The following HTR4 variants were observed in gnomAD, a reference collection of about 807,000 sequenced individuals.
The protein encoded by HTR4 is 5-hydroxytryptamine receptor 4.
In HTR4, 16 loss-of-function variants were observed where a neutral mutation model predicts 36.8. The observed-to-expected ratio is 0.43, with a 90% CI of 0.29 to 0.66. The LOEUF is 0.66. HTR4 is among the 30% of genes least tolerant of loss of function. The pLI, the probability that HTR4 is intolerant of heterozygous loss-of-function variation, is 0.13. For missense variants in HTR4, 438 were observed against 490.9 expected (o/e 0.89, Z 1.02); for synonymous variants, 189 against 185.1 (o/e 1.02, Z -0.17).
chr5:148,458,793 G>C (rs972885132), intron 5 of HTR4, among the ~76,000 whole-genome samples: 1 of 152,162 alleles, frequency 6.6e-6, no homozygotes, highest in Non-Finnish European at 1.5e-5. Context: ...TGTTGTCCTC[G>C]TCCTAAAAGC....
intron 5 of HTR4, among the ~76,000 whole-genome samples, chr5:148,470,259 G>A (rs1755532371): frequency 1.3e-5 from 2 of 152,048 alleles, no homozygotes; most frequent in South Asian, 4.1e-4. Context: ...TCCTTTTTCA[G>A]CATTTTAAGC....
At chr5:148,477,633 A>C (rs993959649), downstream of HTR4, among the ~76,000 whole-genome samples, 2 of 152,334 alleles carry the variant, frequency 1.3e-5, no homozygotes, top group Middle Eastern at 3.4e-3. Context: ...TACTTACCTT[A>C]ACAGGGTTAA....
chr5:148,544,042 C>T (rs969966445), intron 4 of HTR4, among the ~76,000 whole-genome samples: 1 of 152,064 alleles, frequency 6.6e-6, no homozygotes, highest in African/African-American at 2.4e-5. Context: ...GATGGACTTG[C>T]ATTTGAGAAG....
chr5:148,514,122 TAGG>T (rs1757623568), intron 5 of HTR4, among the ~76,000 whole-genome samples: 1 of 152,164 alleles, frequency 6.6e-6, no homozygotes, highest in African/African-American at 2.4e-5. Context: ...TTGAGCTTGA[TAGG>T]GCCTCCCATC....
In HTR4 at chr5:148,654,320, G is replaced by C; in HGVS notation, c.-306C>G. ...CCGCGCATCGTCCTTCTCCCCAACC[G>C]AGCCGGACTCCACGGGCTCAACAGC... On this transcript the variant is annotated 5_prime_UTR_variant, in exon 1 of 7. Transcript: ENST00000377888. 1 of 984,854 alleles carries C rather than the reference G, an allele frequency of 1.0e-6. No homozygotes were observed. Among genetic ancestry groups the C allele is most frequent in the South Asian group, 4.7e-5 (1 of 21,280 alleles). The allele number at this position is 984,854 out of a possible 1,614,324, so 61.0% of individuals were successfully genotyped here. A position where few individuals can be genotyped will look rare whatever the true frequency, so the allele number is the denominator to read the frequency against.
At chr5:148,458,835 G>T (rs1285289954) in intron 5 of HTR4, among the ~76,000 whole-genome samples, 1 of 152,178 alleles carries the variant, frequency 6.6e-6, no homozygotes, top group Non-Finnish European at 1.5e-5. Flanking sequence ...ATGAGCAGGG[G>T]AGGTTCCTGA....
intron 6 of HTR4, chr5:148,490,681 G>A: frequency 8.4e-7 from 1 of 1,191,902 alleles, no homozygotes; most frequent in South Asian, 1.6e-5. Flanking sequence ...TTAATTGACT[G>A]ATGGTCATCC....
intron 6 of HTR4, chr5:148,484,144 A>T (rs1382708217): frequency 1.8e-6 from 2 of 1,140,278 alleles, no homozygotes; most frequent in Non-Finnish European, 2.4e-6. Flanking sequence ...TTGCAAGCAC[A>T]TAGGAAGATC....
intron 5 of HTR4, among the ~76,000 whole-genome samples, chr5:148,455,698 A>C (rs1422949545): frequency 6.6e-6 from 1 of 152,184 alleles, no homozygotes; most frequent in African/African-American, 2.4e-5. Flanking sequence ...TCTGCATATA[A>C]GTTTTGATTC....
intron 5 of HTR4, among the ~76,000 whole-genome samples, chr5:148,516,605 A>T (rs902018890): frequency 1.2e-4 from 18 of 149,192 alleles, no homozygotes; most frequent in Non-Finnish European, 2.4e-4. Flanking sequence ...GGCGTGAGCC[A>T]CCGCACCTGG....
chr5:148,463,166 T>TA (rs1755326320), intron 5 of HTR4, among the ~76,000 whole-genome samples: 1 of 45,938 alleles, frequency 2.2e-5, no homozygotes. Flanking sequence ...TTTTTTTTTC[T>TA]TTTTTTTTTT....
At chr5:148,546,743 C>G (rs1186945975) in intron 4 of HTR4, among the ~76,000 whole-genome samples, 1 of 152,230 alleles carries the variant, frequency 6.6e-6, no homozygotes, top group South Asian at 2.1e-4. Context: ...CTCCAAATTC[C>G]TGTAGTACTT....
At chr5:148,564,977 G>A (rs568152297) in intron 2 of HTR4, among the ~76,000 whole-genome samples, 1 of 151,878 alleles carries the variant, frequency 6.6e-6, no homozygotes, top group Non-Finnish European at 1.5e-5. Context: ...AGGCATGGTG[G>A]CAGGCACCTA....
intron 6 of HTR4, among the ~76,000 whole-genome samples, chr5:148,488,162 T>C (rs1756251956): frequency 6.6e-6 from 1 of 152,230 alleles, no homozygotes; most frequent in Admixed American, 6.5e-5. Context: ...TGTCTGTAGA[T>C]ACACTATCAA....
In HTR4 at chr5:148,620,051, A is replaced by G. The variant is rs376780919; in HGVS notation, c.26+16938T>C. Among the ~76,000 whole-genome samples the G allele has an allele frequency of 4.6e-5, 7 of 152,170 alleles. No individual in the cohort carries two copies. In the East Asian group the frequency reaches 1.3e-3, roughly 29 times the overall value. ...AAATGTGTTGATATTTTAGGGGAAAAGAGGTAATGTAAGCAAAAGAGAGAC... is the reference window on the plus strand; with the variant it reads ...AAATGTGTTGATATTTTAGGGGAAAGGAGGTAATGTAAGCAAAAGAGAGAC... On this transcript the variant is annotated intron_variant, in intron 2 of 6. Transcript: ENST00000377888.
chr5:148,512,534 G>A (rs941905443), intron 5 of HTR4, among the ~76,000 whole-genome samples: 1 of 152,082 alleles, frequency 6.6e-6, no homozygotes, highest in African/African-American at 2.4e-5. Flanking sequence ...TCTGTGGCAT[G>A]GCTTTTCACT....
chr5:148,620,950 C>T (rs1283790784), intron 2 of HTR4, among the ~76,000 whole-genome samples: 1 of 152,206 alleles, frequency 6.6e-6, no homozygotes, highest in Non-Finnish European at 1.5e-5. Flanking sequence ...TATACACTTA[C>T]TTAGAAGAAC....
chr5:148,458,539 T>A (rs1755183134), intron 5 of HTR4, among the ~76,000 whole-genome samples: 1 of 151,998 alleles, frequency 6.6e-6, no homozygotes, highest in Non-Finnish European at 1.5e-5. Context: ...TGAGAGCATG[T>A]CAGAGGGGGG....
intron 2 of HTR4, among the ~76,000 whole-genome samples, chr5:148,566,443 G>A (rs932364933): frequency 6.6e-6 from 1 of 152,142 alleles, no homozygotes; most frequent in Non-Finnish European, 1.5e-5. Context: ...AGCTTGACAG[G>A]GAAGCAACAG....
Sources: gnomAD v4.1 joint callset for allele counts (sites outside exome capture counted in the v4.1 genomes callset) on GRCh38, gnomAD v4.1.1 for gene constraint, MANE v1.5 for transcripts, NCBI Gene and HGNC (gene_info 2026-07-23, HGNC 2026-07-21) for gene names.